The following SNX25 variants were observed in gnomAD, a reference collection of about 807,000 sequenced individuals.
SNX25 encodes sorting nexin-25.
Under a neutral mutation model 113.7 loss-of-function variants are expected in SNX25, and 62 were observed. That is an observed-to-expected ratio of 0.55 (90% CI 0.44 to 0.67). The LOEUF (loss-of-function observed/expected upper bound fraction) is 0.67. SNX25 is among the 30% of genes least tolerant of loss of function. The probability of loss-of-function intolerance (pLI) is 0.00; values close to 1 mark genes in which losing one functional copy is unlikely to be tolerated. For missense variants in SNX25, 1,014 were observed against 1,161.0 expected (o/e 0.87, Z 1.84); for synonymous variants, 421 against 436.2 (o/e 0.97, Z 0.43).
intron 9 of SNX25, among the ~76,000 whole-genome samples, chr4:185,328,545 C>T (rs11723715): frequency 0.15 from 23,178 of 152,104 alleles, 2,487 homozygotes; most frequent in African/African-American, 0.31. Context: ...TGAATATACT[C>T]GTAGCTTGGA....
At position 185,210,756 on chromosome 4, in the gene SNX25, A is replaced by C. The variant is rs375170423; in HGVS notation, c.429+501A>C. On this transcript the variant is annotated intron_variant, in intron 1 of 18. Coordinates refer to ENST00000652585, the MANE Select transcript of SNX25 (RefSeq NM_001378034.2). The surrounding 1 kb of genome is among the most constrained non-coding windows in gnomAD (Gnocchi z 4.4). ...CCCAAGCCCGCGTACCCTTCCCACC[A>C]CCCTATCCTGCCTTCCACCATGCGG... 4.0e-5 allele frequency among the ~76,000 whole-genome samples: 6 copies of C among 149,074 alleles called. No homozygotes were observed. The highest frequency in any genetic ancestry group is 1.2e-4 in the African/African-American group (5 of 40,388).
intron 1 of SNX25, among the ~76,000 whole-genome samples, chr4:185,229,780 T>C (rs1175450739): frequency 2.0e-5 from 3 of 152,240 alleles, no homozygotes; most frequent in African/African-American, 7.2e-5. Context: ...CGCCTCTACA[T>C]AGTGTAGACC....
chr4:185,327,274 T>TC (rs748747494), intron 9 of SNX25, among the ~76,000 whole-genome samples: 81 of 152,326 alleles, frequency 5.3e-4, no homozygotes, highest in Admixed American at 1.3e-3. Flanking sequence ...AGCATTTAAC[T>TC]CCATGTCTCC....
At chr4:185,241,297 G>A (rs1157544329) in intron 1 of SNX25, among the ~76,000 whole-genome samples, 11 of 152,180 alleles carry the variant, frequency 7.2e-5, no homozygotes, top group South Asian at 4.1e-4. Context: ...CCAACACAGC[G>A]AAACCCCGTC....
chr4:185,261,944 C>T (rs1747394660), intron 3 of SNX25, among the ~76,000 whole-genome samples: 1 of 152,116 alleles, frequency 6.6e-6, no homozygotes, highest in Non-Finnish European at 1.5e-5. Context: ...CTAATATTGT[C>T]TGTGTAGCAT....
intron 5 of SNX25, among the ~76,000 whole-genome samples, chr4:185,285,776 TG>T (rs1445965549): frequency 1.3e-5 from 2 of 152,150 alleles, no homozygotes; most frequent in Non-Finnish European, 2.9e-5. Context: ...CTTGTAGTTT[TG>T]TTTTTGTGTT....
chr4:185,231,448 A>G (rs1293797547), intron 1 of SNX25, among the ~76,000 whole-genome samples: 1 of 150,788 alleles, frequency 6.6e-6, no homozygotes. Flanking sequence ...GGTGGCTCAC[A>G]CCTGTAATCC....
At chr4:185,237,057 T>A (rs573960055) in intron 1 of SNX25, among the ~76,000 whole-genome samples, 1 of 152,304 alleles carries the variant, frequency 6.6e-6, no homozygotes, top group East Asian at 1.9e-4. Flanking sequence ...TTTTGAAATT[T>A]AGGAAAACAG....
At chr4:185,262,838 A>G (rs574120398) in intron 3 of SNX25, among the ~76,000 whole-genome samples, 313 of 152,364 alleles carry the variant, frequency 2.1e-3, no homozygotes, top group African/African-American at 6.6e-3. Context: ...AGGATGCTGC[A>G]AAGACTGATG....
At chr4:185,315,630 T>C (rs1006803258) in intron 7 of SNX25, among the ~76,000 whole-genome samples, 1 of 152,106 alleles carries the variant, frequency 6.6e-6, no homozygotes, top group Non-Finnish European at 1.5e-5. Flanking sequence ...AAGGAAGAGA[T>C]AATACCAATC....
chr4:185,234,151 C>T (rs950787994), intron 1 of SNX25, among the ~76,000 whole-genome samples: 1 of 152,112 alleles, frequency 6.6e-6, no homozygotes, highest in African/African-American at 2.4e-5. Flanking sequence ...AGCCACCATG[C>T]CCAAAAACAA....
chr4:185,238,061 T>TC (rs200100185), intron 1 of SNX25, among the ~76,000 whole-genome samples: 31 of 34,308 alleles, frequency 9.0e-4, no homozygotes, highest in African/African-American at 1.6e-3. Flanking sequence ...AGACTCCATC[T>TC]CAAAAAAAAA....
At chr4:185,369,069 C>T (rs1330622002) in intron 11 of SNX25, among the ~76,000 whole-genome samples, 1 of 152,066 alleles carries the variant, frequency 6.6e-6, no homozygotes, top group Non-Finnish European at 1.5e-5. Context: ...GCTGGGATTA[C>T]AGGCATGAGC....
At chr4:185,338,261 C>A (rs1231096124) in intron 10 of SNX25, among the ~76,000 whole-genome samples, 1 of 150,670 alleles carries the variant, frequency 6.6e-6, no homozygotes, top group Non-Finnish European at 1.5e-5. Context: ...ATGAAACTTT[C>A]CCTCTATATT....
intron 16 of SNX25, among the ~76,000 whole-genome samples, chr4:185,358,360 T>C (rs2095348135): frequency 6.6e-6 from 1 of 152,240 alleles, no homozygotes; most frequent in African/African-American, 2.4e-5. Flanking sequence ...AGTGTTCTAA[T>C]GTTGCTCATA....
At position 185,313,545 on chromosome 4, in the gene SNX25, G is replaced by T. The variant is rs763142715; in HGVS notation, c.1344+2729G>T. Among the ~76,000 whole-genome samples, 15 of 152,112 alleles carry T rather than the reference G, an allele frequency of 9.9e-5. 1 individual carries two copies. The highest frequency in any genetic ancestry group is 9.2e-4 in the Admixed American group (14 of 15,282). On this transcript the variant is annotated intron_variant, in intron 7 of 18. Coordinates refer to ENST00000652585, the MANE Select transcript of SNX25 (RefSeq NM_001378034.2). Reference sequence around the variant, plus strand: ...ATATTTGGTAGCATATCTAAATAAGGCTTCCATCAAAGAAGAAATTATAAG... The same window carrying T: ...ATATTTGGTAGCATATCTAAATAAGTCTTCCATCAAAGAAGAAATTATAAG...
rs139537690 is a variant in SNX25 at position 185,216,955 on chromosome 4, G to T, written c.429+6700G>T. On this transcript the variant is annotated intron_variant, in intron 1 of 18. Coordinates refer to ENST00000652585, the MANE Select transcript of SNX25 (RefSeq NM_001378034.2). Reference sequence around the variant, plus strand: ...ATTTGACTTACCAGTGAGTATATGAGATGACTCATAGGAGCTAGGATTAGA... The same window carrying T: ...ATTTGACTTACCAGTGAGTATATGATATGACTCATAGGAGCTAGGATTAGA... 1.5e-3 allele frequency among the ~76,000 whole-genome samples: 221 copies of T among 152,334 alleles called. 1 individual carries two copies. Among genetic ancestry groups the T allele is most frequent in the Admixed American group, 7.7e-3 (118 of 15,306 alleles).
chr4:185,235,124 C>G (rs1742421715), intron 1 of SNX25, among the ~76,000 whole-genome samples: 1 of 152,242 alleles, frequency 6.6e-6, no homozygotes, highest in African/African-American at 2.4e-5. Flanking sequence ...AATTGTCTTT[C>G]ATTATGGAAG....
At position 185,332,682 on chromosome 4, in the gene SNX25, C is replaced by T; in HGVS notation, c.1837C>T (p.Arg613Ter). ...AGCCAGTTTTGCTGTAAACAAACTG[C>T]GAGAACTAAATGAGAAACTTGAATA... is the stretch of plus-strand genomic sequence containing the variant. ...EQASFAVNKL[R>*]ELNEKLEYKR... The change falls in exon 10 of 19, where the codon CGA becomes TGA. Residue 613 changes from arginine to a stop codon, truncating the protein, a stop_gained. Transcript: ENST00000652585. LOFTEE classifies it high-confidence loss of function. 2.5e-6 allele frequency: 4 copies of T among 1,613,940 alleles called. No homozygotes were observed. The highest frequency in any genetic ancestry group is 4.5e-5 in the East Asian group (2 of 44,866).
Sources: gnomAD v4.1 joint callset for allele counts (sites outside exome capture counted in the v4.1 genomes callset) on GRCh38, gnomAD v4.1.1 for gene constraint, Gnocchi (gnomAD v3.1) non-coding constraint, MANE v1.5 for transcripts, NCBI Gene and HGNC (gene_info 2026-07-23, HGNC 2026-07-21) for gene names.